The following TRHDE variants were observed in gnomAD, a reference collection of about 807,000 sequenced individuals.
TRHDE encodes the protein thyrotropin releasing hormone degrading enzyme.
In TRHDE, 72 loss-of-function variants were observed where a neutral mutation model predicts 125.7. That is an observed-to-expected ratio of 0.57 (90% CI 0.47 to 0.70). The LOEUF (loss-of-function observed/expected upper bound fraction) is 0.70. TRHDE is among the 30% of genes least tolerant of loss of function. TRHDE has a pLI of 0.00. For synonymous variants in TRHDE, 509 were observed against 509.1 expected (o/e 1.00, Z 0.00); for missense variants, 1,110 against 1,327.1 (o/e 0.84, Z 2.54).
At chr12:72,294,116 G>T (rs1880196630) in intron 2 of TRHDE, among the ~76,000 whole-genome samples, 1 of 152,194 alleles carries the variant, frequency 6.6e-6, no homozygotes, top group African/African-American at 2.4e-5. Flanking sequence ...GGCTCAGGGA[G>T]TTCCCAGGTC....
At chr12:72,614,946 A>G (rs1388280852) in intron 12 of TRHDE, among the ~76,000 whole-genome samples, 1 of 152,178 alleles carries the variant, frequency 6.6e-6, no homozygotes, top group Admixed American at 6.6e-5. Flanking sequence ...AATACATTAT[A>G]TCTTGTGCAC....
intron 7 of TRHDE, among the ~76,000 whole-genome samples, chr12:72,554,124 A>G (rs1869810403): frequency 6.6e-6 from 1 of 152,116 alleles, no homozygotes; most frequent in Non-Finnish European, 1.5e-5. Flanking sequence ...CCAGGATTAC[A>G]GGAGTGAGCC....
intron 3 of TRHDE, among the ~76,000 whole-genome samples, chr12:72,456,676 C>T (rs73146927): frequency 0.021 from 3,130 of 151,920 alleles, 44 homozygotes; most frequent in Non-Finnish European, 0.031. Flanking sequence ...TTAGGAGAAA[C>T]ATTTTTATGA....
intron 12 of TRHDE, among the ~76,000 whole-genome samples, chr12:72,575,981 C>G (rs1340943314): frequency 6.6e-6 from 1 of 152,128 alleles, no homozygotes; most frequent in Non-Finnish European, 1.5e-5. Flanking sequence ...AAATATTCCA[C>G]TGGGTAAGAC....
At chr12:72,411,935 A>G (rs1873528108) in intron 3 of TRHDE, among the ~76,000 whole-genome samples, 1 of 152,154 alleles carries the variant, frequency 6.6e-6, no homozygotes, top group South Asian at 2.1e-4. Context: ...ACTGAAATAA[A>G]ATTAAAGTTG....
chr12:72,597,215 C>G (rs1033760355), intron 12 of TRHDE, among the ~76,000 whole-genome samples: 1 of 152,122 alleles, frequency 6.6e-6, no homozygotes, highest in African/African-American at 2.4e-5. Context: ...TGTGAAAATA[C>G]GAATGTCTCT....
chr12:72,477,391 G>A (rs1298498931), intron 5 of TRHDE, among the ~76,000 whole-genome samples: 1 of 152,064 alleles, frequency 6.6e-6, no homozygotes, highest in Non-Finnish European at 1.5e-5. Context: ...TGGCAATGTG[G>A]ACTATTCCAT....
chr12:72,291,297 A>G (rs1257733404), intron 2 of TRHDE, among the ~76,000 whole-genome samples: 1 of 152,206 alleles, frequency 6.6e-6, no homozygotes, highest in Non-Finnish European at 1.5e-5. Flanking sequence ...AGCCATTTCC[A>G]TTCAAGAATG....
At chr12:72,326,807 G>A (rs1869361873) in intron 2 of TRHDE, among the ~76,000 whole-genome samples, 1 of 152,062 alleles carries the variant, frequency 6.6e-6, no homozygotes, top group African/African-American at 2.4e-5. Context: ...CCTTCACATT[G>A]AACAAATTGA....
chr12:72,602,092 A>G (rs1372634632), intron 12 of TRHDE, among the ~76,000 whole-genome samples: 3 of 152,160 alleles, frequency 2.0e-5, no homozygotes, highest in Admixed American at 2.0e-4. Flanking sequence ...ATCCTTCTGA[A>G]GGACCGTTTT....
intron 3 of TRHDE, among the ~76,000 whole-genome samples, chr12:72,388,223 C>G (rs951974637): frequency 4.6e-5 from 7 of 152,130 alleles, no homozygotes; most frequent in African/African-American, 1.7e-4. Flanking sequence ...TCAGTGAGGT[C>G]TTCTCTGATC....
intron 2 of TRHDE, among the ~76,000 whole-genome samples, chr12:72,372,533 T>G (rs975766345): frequency 1.4e-4 from 21 of 152,236 alleles, no homozygotes; most frequent in Non-Finnish European, 2.4e-4. Flanking sequence ...GTCTAACGTT[T>G]AAGTCTGTAA....
intron 2 of TRHDE, among the ~76,000 whole-genome samples, chr12:72,343,891 T>G (rs1349175164): frequency 6.6e-6 from 1 of 152,100 alleles, no homozygotes; most frequent in Non-Finnish European, 1.5e-5. Context: ...TATCACATTG[T>G]TCACTGAAAA....
chr12:72,273,009 C>T lies in TRHDE; in HGVS notation c.366C>T (p.Asp122=), dbSNP rs957410471. The T allele has an allele frequency of 7.8e-6, 12 of 1,543,764 alleles. No individual in the cohort carries two copies. Among genetic ancestry groups the T allele is most frequent in the African/African-American group, 1.4e-5 (1 of 73,510 alleles). ...GGGCGAGTGCCACGCCAGGCGCCGA[C>T]GGTGGCCCCTCAGGCTTTCCGGAGC... The part of the protein sequence containing the change: ...ECGASATPGA[D]GGPSGFPERG... The change falls in exon 1 of 19, where the codon GAC becomes GAT. Residue 122 remains aspartate (D), a synonymous_variant. Transcript: ENST00000261180. This position sits in a 1 kb window ranked among gnomAD's most constrained non-coding sequence, Gnocchi z 5.3.
At chr12:72,498,987 G>A (rs1878033136) in intron 5 of TRHDE, among the ~76,000 whole-genome samples, 1 of 151,572 alleles carries the variant, frequency 6.6e-6, no homozygotes, top group South Asian at 2.1e-4. Flanking sequence ...GTGTGTGTGT[G>A]TGTGTTTTGT....
intron 5 of TRHDE, among the ~76,000 whole-genome samples, chr12:72,489,638 A>T (rs559630152): frequency 2.0e-5 from 3 of 152,038 alleles, no homozygotes; most frequent in African/African-American, 7.2e-5. Flanking sequence ...ACTGGCATTA[A>T]ACTAGACACA....
intron 2 of TRHDE, among the ~76,000 whole-genome samples, chr12:72,160,872 T>C (rs1876622087): frequency 6.6e-6 from 1 of 152,250 alleles, no homozygotes; most frequent in Non-Finnish European, 1.5e-5. Context: ...TGGGGCAATG[T>C]ACTTCAAATT....
At chr12:72,518,594 T>C (rs1383050161) in intron 6 of TRHDE, among the ~76,000 whole-genome samples, 1 of 152,180 alleles carries the variant, frequency 6.6e-6, no homozygotes, top group African/African-American at 2.4e-5. Flanking sequence ...CTTGACTCTT[T>C]ATCCAATTTC....
intron 2 of TRHDE, among the ~76,000 whole-genome samples, chr12:72,180,063 G>T (rs1468249090): frequency 6.6e-6 from 1 of 151,554 alleles, no homozygotes; most frequent in East Asian, 1.9e-4. Context: ...TATTAATTAG[G>T]TAGTATTAAT....
Sources: gnomAD v4.1 joint callset for allele counts (sites outside exome capture counted in the v4.1 genomes callset) on GRCh38, gnomAD v4.1.1 for gene constraint, Gnocchi (gnomAD v3.1) non-coding constraint, MANE v1.5 for transcripts, NCBI Gene and HGNC (gene_info 2026-07-23, HGNC 2026-07-21) for gene names.